NINL: variants seen among roughly 807,000 people sequenced by gnomAD.
NINL encodes ninein-like protein.
Under a neutral mutation model 160.3 loss-of-function variants are expected in NINL, and 153 were observed. The ratio of observed to expected loss-of-function variants is 0.95; its 90% CI spans 0.84 to 1.09. The LOEUF (loss-of-function observed/expected upper bound fraction) is 1.09. NINL is among the 50% of genes least tolerant of loss of function. NINL has a pLI of 0.00. For missense variants in NINL, 1,829 were observed against 1,764.0 expected (o/e 1.04, Z -0.66); for synonymous variants, 800 against 734.8 (o/e 1.09, Z -1.43).
At chr20:25,462,331 C>G in intron 20 of NINL, 52 bp downstream of exon 20, 2 of 1,579,548 alleles carry the variant, frequency 1.3e-6, no homozygotes, top group South Asian at 2.3e-5. Context: ...GCCGCCTCCC[C>G]ACCCTGAGCT....
chr20:25,575,965 C>T (rs142057721), intron 1 of NINL, among the ~76,000 whole-genome samples: 78 of 152,216 alleles, frequency 5.1e-4, no homozygotes, highest in African/African-American at 1.8e-3. Context: ...AGACTTTGTG[C>T]CCCTGTATCC....
In NINL at chr20:25,500,940, A is replaced by C; in HGVS notation, c.932T>G (p.Leu311Arg). The part of the protein sequence containing the change: ...SLVSLCSSLR[L>R]FSSIDDGSGF... The stretch of plus-strand genomic sequence containing the variant: ...AGAACCATCGTCAATGCTGGAGAAG[A>C]GGCGCAGGCTGGAGCACAGGGACAC... Residue 311 changes from leucine (L) to arginine (R), a missense_variant, in exon 8 of 24, where the codon CTC (leucine) becomes CGC (arginine). Physicochemically the swap from Leu to Arg is moderately radical, Grantham distance 102. Transcript: ENST00000278886. The C allele has an allele frequency of 6.2e-7, 1 of 1,614,208 alleles. No homozygotes were observed. Among genetic ancestry groups the C allele is most frequent in the Non-Finnish European group, 8.5e-7 (1 of 1,180,044 alleles).
intron 23 of NINL, among the ~76,000 whole-genome samples, chr20:25,455,100 G>A (rs1463065159): frequency 2.6e-5 from 4 of 152,078 alleles, no homozygotes; most frequent in African/African-American, 4.8e-5. Context: ...GAGTCCCCCA[G>A]ACACGAGGAG....
intron 1 of NINL, among the ~76,000 whole-genome samples, chr20:25,569,370 A>G (rs1472051140): frequency 1.3e-5 from 2 of 152,328 alleles, no homozygotes; most frequent in African/African-American, 4.8e-5. Context: ...CATACATGCC[A>G]AGGAGTTTAT....
intron 17 of NINL, among the ~76,000 whole-genome samples, chr20:25,473,080 C>T (rs2063143863): frequency 6.6e-6 from 1 of 152,142 alleles, no homozygotes; most frequent in Non-Finnish European, 1.5e-5. Context: ...AATCGCACAA[C>T]CAGGTTGAGC....
chr20:25,458,104 C>T (rs896750530), intron 22 of NINL, among the ~76,000 whole-genome samples: 1 of 152,182 alleles, frequency 6.6e-6, no homozygotes, highest in East Asian at 1.9e-4. Context: ...CCAAATACCC[C>T]CTACCCCAGG....
chr20:25,479,185 T>C lies in NINL; in HGVS notation c.1939A>G (p.Ile647Val). 1 of 1,608,600 alleles carries C rather than the reference T, an allele frequency of 6.2e-7. No homozygotes were observed. The highest frequency in any genetic ancestry group is 8.5e-7 in the Non-Finnish European group (1 of 1,176,356). The change falls in exon 16 of 24, where the codon ATT becomes GTT. Residue 647 changes from isoleucine to valine, a missense_variant. Ile to Val is a conservative substitution (Grantham distance 29, BLOSUM62 3). Coordinates refer to ENST00000278886, the MANE Select transcript of NINL (RefSeq NM_025176.6). ...TCAAAGTTCCTTTTCAGTGCCGCAATTTCCCTTTCGTAGTAATTTACCTAA... is the reference window on the plus strand; with the variant it reads ...TCAAAGTTCCTTTTCAGTGCCGCAACTTCCCTTTCGTAGTAATTTACCTAA... ...ETKVNYYERE[I>V]AALKRNFEKE...
At chr20:25,482,154 C>A in intron 13 of NINL, 54 bp from the exon 14 acceptor site, 2 of 1,549,818 alleles carry the variant, frequency 1.3e-6, no homozygotes, top group Non-Finnish European at 1.7e-6. Flanking sequence ...TTCAGCCCAG[C>A]GAGCTGGCCG....
At chr20:25,458,012 C>T (rs755901020) in intron 22 of NINL, among the ~76,000 whole-genome samples, 3 of 152,242 alleles carry the variant, frequency 2.0e-5, no homozygotes, top group Admixed American at 6.5e-5. Flanking sequence ...ACCACCTGCA[C>T]TGCCCACGGC....
intron 21 of NINL, among the ~76,000 whole-genome samples, chr20:25,460,407 C>A (rs1390342239): frequency 6.6e-6 from 1 of 152,196 alleles, no homozygotes; most frequent in Non-Finnish European, 1.5e-5. Context: ...TGCTTCCCAA[C>A]TGAGAGGCTG....
chr20:25,503,457 G>A (rs919138473), intron 7 of NINL, among the ~76,000 whole-genome samples: 1 of 136,086 alleles, frequency 7.3e-6, no homozygotes, highest in African/African-American at 2.8e-5. Flanking sequence ...TGAGCAGCAC[G>A]TTCCTCACCT....
chr20:25,510,517 A>C (rs545947488), intron 5 of NINL, among the ~76,000 whole-genome samples, 157 bp downstream of exon 5: 1 of 152,138 alleles, frequency 6.6e-6, no homozygotes, highest in Admixed American at 6.5e-5. Context: ...CATTCTGACC[A>C]CTCCTGCAGG....
Position 25,453,467 on chromosome 20 carries a change from G to A in NINL, c.4133C>T (p.Ala1378Val). 6.2e-7 allele frequency: 1 copy of A among 1,610,662 alleles called. No individual in the cohort carries two copies. The highest frequency in any genetic ancestry group is 1.1e-5 in the South Asian group (1 of 90,652). ...LNKLVSRIAPAALSV is the reference protein window; with the variant it reads ...LNKLVSRIAPVALSV ...AATCTGTCTTTACACAGAGAGGGCTGCGGGGGCAATCCTACTGACGAGTTT... is the reference window on the plus strand; with the variant it reads ...AATCTGTCTTTACACAGAGAGGGCTACGGGGGCAATCCTACTGACGAGTTT... Residue 1378 changes from alanine to valine, a missense_variant, in exon 24 of 24, where the codon GCA becomes GTA. Ala to Val is a moderately conservative substitution (Grantham distance 64, BLOSUM62 0). Coordinates refer to ENST00000278886, the MANE Select transcript of NINL (RefSeq NM_025176.6).
intron 11 of NINL, among the ~76,000 whole-genome samples, chr20:25,490,361 C>A (rs933931705): frequency 6.6e-6 from 1 of 152,134 alleles, no homozygotes; most frequent in African/African-American, 2.4e-5. Flanking sequence ...GAGATCAAGA[C>A]CATCCTGGCT....
intron 1 of NINL, among the ~76,000 whole-genome samples, chr20:25,550,075 T>C (rs1463679774): frequency 1.3e-5 from 2 of 152,196 alleles, no homozygotes; most frequent in Non-Finnish European, 1.5e-5. Flanking sequence ...TTGGCTCACA[T>C]TACGTTTACT....
At chr20:25,532,603 G>C (rs1039892450) in intron 1 of NINL, among the ~76,000 whole-genome samples, 2 of 152,190 alleles carry the variant, frequency 1.3e-5, no homozygotes, top group African/African-American at 4.8e-5. Flanking sequence ...ATTCAGAGCC[G>C]CTCCTCTCCT....
At position 25,482,000 on chromosome 20, in the gene NINL, C is replaced by T. The variant is rs141601171; in HGVS notation, c.1778G>A (p.Arg593His). Reference sequence around the variant, plus strand: ...GCCGAGTCCAGGGAGCTGCCGTCTGCGCCCATCCGGGCTCCATGAGGGGCT... The same window carrying T: ...GCCGAGTCCAGGGAGCTGCCGTCTGTGCCCATCCGGGCTCCATGAGGGGCT... ...RHSPSWSPDGRRRQLPGLGPA... is the reference protein window; with the variant it reads ...RHSPSWSPDGHRRQLPGLGPA... The change falls in exon 14 of 24, where the codon CGC becomes CAC. Residue 593 changes from arginine to histidine, a missense_variant. By Grantham distance (29) the Arg-to-His change is conservative. Transcript: ENST00000278886. 1.4e-5 allele frequency: 22 copies of T among 1,598,172 alleles called. No homozygotes were observed. The highest frequency in any genetic ancestry group is 8.0e-5 in the African/African-American group (6 of 74,936).
At position 25,477,092 on chromosome 20, in the gene NINL, G is replaced by A. The variant is rs1477719735; in HGVS notation, c.2202-3C>T. 6.3e-7 allele frequency: 1 copy of A among 1,588,674 alleles called. No individual in the cohort carries two copies. Among genetic ancestry groups the A allele is most frequent in the Admixed American group, 1.7e-5 (1 of 59,256 alleles). On this transcript the variant is annotated splice_polypyrimidine_tract_variant and splice_region_variant and intron_variant, in intron 16 of 23. Transcript: ENST00000278886. The stretch of plus-strand genomic sequence containing the variant: ...TCAGCTCCGCCTCAGCCTCTCTCCT[G>A]TGGAAGTAGAACCGTCACACACCAC...
chr20:25,565,042 T>C (rs577896818), intron 1 of NINL, among the ~76,000 whole-genome samples: 51 of 152,150 alleles, frequency 3.4e-4, no homozygotes, highest in African/African-American at 1.2e-3. Flanking sequence ...TCTTTCAGGG[T>C]AGGGGCAGGA....
Sources: gnomAD v4.1 joint callset for allele counts (sites outside exome capture counted in the v4.1 genomes callset) on GRCh38, gnomAD v4.1.1 for gene constraint, MANE v1.5 for transcripts, NCBI Gene and HGNC (gene_info 2026-07-23, HGNC 2026-07-21) for gene names.